The following ABCA12 variants were observed in gnomAD, a reference collection of about 807,000 sequenced individuals.
ABCA12 encodes ATP binding cassette subfamily A member 12, also known as glucosylceramide transporter ABCA12.
ABCA12 carries 156 observed loss-of-function variants against 293.5 expected under a neutral mutation model. The ratio of observed to expected loss-of-function variants is 0.53; its 90% CI spans 0.47 to 0.61. ABCA12 has a LOEUF of 0.61. Among genes scored for constraint, ABCA12 ranks in the 20% least tolerant of loss-of-function variants. The pLI is 0.00. For synonymous variants in ABCA12, 1,063 were observed against 1,108.0 expected (o/e 0.96, Z 0.81); for missense variants, 2,797 against 3,090.2 (o/e 0.91, Z 2.25).
chr2:214,993,171 C>T (rs1699961623), intron 23 of ABCA12, among the ~76,000 whole-genome samples: 1 of 152,218 alleles, frequency 6.6e-6, no homozygotes, highest in Non-Finnish European at 1.5e-5. Flanking sequence ...GAGAAAGACC[C>T]TGTGACTTTC....
At chr2:214,950,309 G>A (rs892253728) in intron 45 of ABCA12, among the ~76,000 whole-genome samples, 2 of 151,426 alleles carry the variant, frequency 1.3e-5, no homozygotes, top group African/African-American at 2.4e-5. Flanking sequence ...GATATGGAGG[G>A]ATGACTCTAT....
intron 8 of ABCA12, among the ~76,000 whole-genome samples, chr2:215,035,579 T>C (rs1700974226): frequency 6.7e-6 from 1 of 150,140 alleles, no homozygotes; most frequent in Admixed American, 6.7e-5. Context: ...GGCAGAGAAT[T>C]GCTTGAACCT....
chr2:215,007,824 A>G lies in ABCA12; in HGVS notation c.2495T>C (p.Leu832Pro), dbSNP rs1208650077. The stretch of plus-strand genomic sequence containing the variant: ...TTGAGATTTTTCTCTTAATTCCGCC[A>G]GCTGTCTCAGAGTTACATTGGACTT... Reference protein sequence around the residue: ...MEKSNVTLRQLAELREKSQEW... With the variant: ...MEKSNVTLRQPAELREKSQEW... The change falls in exon 19 of 53, where the codon CTG becomes CCG. Residue 832 changes from leucine to proline, a missense_variant. Coordinates refer to ENST00000272895, the MANE Select transcript of ABCA12 (RefSeq NM_173076.3). 1.9e-6 allele frequency: 3 copies of G among 1,614,038 alleles called. No individual in the cohort carries two copies. Among genetic ancestry groups the G allele is most frequent in the Non-Finnish European group, 2.5e-6 (3 of 1,179,946 alleles).
chr2:214,961,873 C>T, intron 39 of ABCA12: 1 of 152,146 alleles, frequency 6.6e-6, no homozygotes, highest in East Asian at 1.9e-4. Flanking sequence ...TCCTCAAGAT[C>T]CTGTTGCTGG....
intron 1 of ABCA12, among the ~76,000 whole-genome samples, chr2:215,113,377 A>G (rs1455011909): frequency 6.6e-6 from 1 of 152,242 alleles, no homozygotes; most frequent in Non-Finnish European, 1.5e-5. Context: ...AAGCACCCAT[A>G]AAGACTGAAC....
Position 214,967,068 on chromosome 2 carries a change from A to T in ABCA12, c.5779-115T>A, listed in dbSNP as rs538545864. On this transcript the variant is annotated intron_variant, in intron 38 of 52. Coordinates refer to ENST00000272895, the MANE Select transcript of ABCA12 (RefSeq NM_173076.3). The stretch of plus-strand genomic sequence containing the variant: ...AAATAAGAGCATCAATTTTCCAATA[A>T]TTTATTTTATCTTGGAAGATTATGC... 23 of 883,026 alleles carry T rather than the reference A, an allele frequency of 2.6e-5. No individual in the cohort carries two copies. In the South Asian group the frequency reaches 3.0e-4, roughly 12 times the overall value. The allele number at this position is 883,026 out of a possible 1,614,324, so 54.7% of individuals were successfully genotyped here. A position where few individuals can be genotyped will look rare whatever the true frequency, so the allele number is the denominator to read the frequency against.
At position 215,114,588 on chromosome 2, in the gene ABCA12, C is replaced by T. The variant is rs144953287; in HGVS notation, c.70-2898G>A. On this transcript the variant is annotated intron_variant, in intron 1 of 52. Transcript: ENST00000272895. Reference sequence around the variant, plus strand: ...TTTTTTTATAATTATTGTGCTGTTCCGAGCAGCAAATAAGAAAGCATTACA... The same window carrying T: ...TTTTTTTATAATTATTGTGCTGTTCTGAGCAGCAAATAAGAAAGCATTACA... 7.7e-4 allele frequency among the ~76,000 whole-genome samples: 117 copies of T among 152,014 alleles called. 1 individual carries two copies. The highest frequency in any genetic ancestry group is 3.9e-3 in the East Asian group (20 of 5,172).
intron 26 of ABCA12, 140 bp downstream of exon 26, chr2:214,989,187 CAT>C (rs71399168): frequency 0.048 from 1,349 of 28,132 alleles, 122 homozygotes; most frequent in Middle Eastern, 0.2. Context: ...TCAATACATA[CAT>C]ATATATATAT....
chr2:215,036,848 A>G (rs1701005150), intron 8 of ABCA12, 105 bp downstream of exon 8: 1 of 1,021,288 alleles, frequency 9.8e-7, no homozygotes, highest in Non-Finnish European at 1.5e-6. Flanking sequence ...GTCCCCACCT[A>G]AGAATAATAT....
chr2:215,104,648 C>G (rs1702425583), intron 2 of ABCA12, among the ~76,000 whole-genome samples: 1 of 152,180 alleles, frequency 6.6e-6, no homozygotes, highest in African/African-American at 2.4e-5. Context: ...CAAAAAGTCA[C>G]TTACTACAAT....
intron 38 of ABCA12, 124 bp downstream of exon 38, chr2:214,968,596 C>T: frequency 1.1e-6 from 1 of 903,504 alleles, no homozygotes; most frequent in Non-Finnish European, 1.8e-6. Flanking sequence ...CCACTGTGCC[C>T]TGGGTTATGC....
At chr2:214,942,370 T>G (rs548838977) in intron 50 of ABCA12, among the ~76,000 whole-genome samples, 5 of 152,314 alleles carry the variant, frequency 3.3e-5, no homozygotes, top group East Asian at 1.9e-4. Context: ...GTTTGGAGAT[T>G]AACATGGATA....
chr2:214,978,609 G>T, intron 32 of ABCA12, 143 bp from the exon 33 acceptor site: 1 of 1,165,642 alleles, frequency 8.6e-7, no homozygotes, highest in Non-Finnish European at 1.2e-6. Flanking sequence ...ATTTCTGTAT[G>T]TAAAAGATAC....
chr2:215,004,306 A>T lies in ABCA12; in HGVS notation c.2593-7T>A. The T allele has an allele frequency of 6.3e-7, 1 of 1,598,802 alleles. No individual in the cohort carries two copies. Among genetic ancestry groups the T allele is most frequent in the Non-Finnish European group, 8.6e-7 (1 of 1,167,958 alleles). ...AAGGGTTCCTTAGAGTATTCTAACAAATAATAATTAAAAATCAGTTTCAAT... is the reference window on the plus strand; with the variant it reads ...AAGGGTTCCTTAGAGTATTCTAACATATAATAATTAAAAATCAGTTTCAAT... On this transcript the variant is annotated splice_region_variant and splice_polypyrimidine_tract_variant and intron_variant, in intron 19 of 52. Coordinates refer to ENST00000272895, the MANE Select transcript of ABCA12 (RefSeq NM_173076.3).
chr2:214,988,514 A>C (rs1264139676), intron 26 of ABCA12, among the ~76,000 whole-genome samples: 2 of 152,208 alleles, frequency 1.3e-5, no homozygotes, highest in Non-Finnish European at 2.9e-5. Flanking sequence ...ATATTCTTTT[A>C]TTCATGTATA....
intron 51 of ABCA12, among the ~76,000 whole-genome samples, chr2:214,934,431 A>T (rs1337647194): frequency 2.6e-5 from 4 of 152,218 alleles, no homozygotes; most frequent in Non-Finnish European, 1.5e-5. Context: ...TTAAAAGTTC[A>T]TGAAAACTCC....
At chr2:214,973,805 A>G in intron 36 of ABCA12, 144 bp downstream of exon 36, 2 of 726,190 alleles carry the variant, frequency 2.8e-6, no homozygotes, top group Non-Finnish European at 4.8e-6. Flanking sequence ...GTATTTTTTG[A>G]GCTGCCCAGA....
rs148294923 is a variant in ABCA12, at chr2:215,092,071, C to G, written c.163+19526G>C. On this transcript the variant is annotated intron_variant, in intron 2 of 52. Coordinates refer to ENST00000272895, the MANE Select transcript of ABCA12 (RefSeq NM_173076.3). ...TCAGATTAGCAGCTGAAGATTGATGCTGCCTGATGGCCTCAGAAGCCTCCT... is the reference window on the plus strand; with the variant it reads ...TCAGATTAGCAGCTGAAGATTGATGGTGCCTGATGGCCTCAGAAGCCTCCT... 1.9e-3 allele frequency among the ~76,000 whole-genome samples: 293 copies of G among 152,344 alleles called. 6 individuals carry two copies. Among genetic ancestry groups the G allele is most frequent in the African/African-American group, 6.6e-3 (275 of 41,580 alleles).
At chr2:215,044,074 A>G (rs1701155801) in intron 7 of ABCA12, among the ~76,000 whole-genome samples, 1 of 152,030 alleles carries the variant, frequency 6.6e-6, no homozygotes, top group Non-Finnish European at 1.5e-5. Flanking sequence ...TTTTTTATAG[A>G]GATTTGATTA....
Sources: allele counts gnomAD v4.1 joint callset (sites outside exome capture counted in the v4.1 genomes callset), GRCh38; gene constraint gnomAD v4.1.1; transcripts MANE v1.5; gene names NCBI Gene and HGNC (gene_info 2026-07-23, HGNC 2026-07-21).